GALC: variants seen among roughly 807,000 people sequenced by gnomAD.
The protein encoded by GALC is galactocerebrosidase.
Under a neutral mutation model 91.8 loss-of-function variants are expected in GALC, and 77 were observed. The observed-to-expected ratio is 0.84, with a 90% CI of 0.70 to 1.01. GALC has a LOEUF of 1.01. Ranked by LOEUF, GALC falls within the 50% of genes least tolerant of loss-of-function variation. The pLI, the probability that GALC is intolerant of heterozygous loss-of-function variation, is 0.00. For synonymous variants in GALC, 357 were observed against 306.7 expected (o/e 1.16, Z -1.71); for missense variants, 882 against 855.9 (o/e 1.03, Z -0.38).
At chr14:87,941,641 C>T in intron 14 of GALC, 83 bp from the exon 15 acceptor site, 1 of 953,552 alleles carries the variant, frequency 1.0e-6, no homozygotes, top group Non-Finnish European at 1.7e-6. Context: ...ACAGCACATG[C>T]TTCCAAACTT....
Position 87,976,510 on chromosome 14 carries a change from C to T in GALC, c.622-22G>A, listed in dbSNP as rs771505778. 4 of 1,592,068 alleles carry T rather than the reference C, an allele frequency of 2.5e-6. No individual in the cohort carries two copies. The African/African-American group carries it at 5.4e-5, about 21-fold the overall frequency. Reference sequence around the variant, plus strand: ...ATATCTTTTGGAGTAAGAAACAGAACATATGAAAGGATACAAATGAATTTT... The same window carrying T: ...ATATCTTTTGGAGTAAGAAACAGAATATATGAAAGGATACAAATGAATTTT... On this transcript the variant is annotated intron_variant, in intron 6 of 16. Coordinates refer to ENST00000261304, the MANE Select transcript of GALC (RefSeq NM_000153.4).
chr14:87,954,461 G>A, intron 10 of GALC: 1 of 1,585,850 alleles, frequency 6.3e-7, no homozygotes, highest in Non-Finnish European at 8.6e-7. Context: ...TTATATTTGG[G>A]AATTTAAATA....
At chr14:87,940,428 AT>A (rs1209675018) in intron 15 of GALC, among the ~76,000 whole-genome samples, 4 of 151,926 alleles carry the variant, frequency 2.6e-5, no homozygotes, top group Non-Finnish European at 4.4e-5. Flanking sequence ...AATTAGTGTT[AT>A]TTGAATGCCT....
chr14:87,982,583 T>C (rs1886795219), intron 5 of GALC, among the ~76,000 whole-genome samples: 1 of 152,160 alleles, frequency 6.6e-6, no homozygotes, highest in Non-Finnish European at 1.5e-5. Flanking sequence ...ATTGGAGAAC[T>C]AATAGACAGG....
intron 11 of GALC, 88 bp downstream of exon 11, chr14:87,950,571 T>A: frequency 1.2e-6 from 1 of 815,918 alleles, no homozygotes; most frequent in South Asian, 1.5e-5. Flanking sequence ...GTTCATAATA[T>A]AAGGCTTCAC....
In GALC at chr14:87,986,486, T is replaced by G. The variant is rs763499342; in HGVS notation, c.442+3A>C. ...AAGAAACATTGCAAACTTCATTTCTTACCAATGAGTGTAATATTGGGATTC... is the reference window on the plus strand; with the variant it reads ...AAGAAACATTGCAAACTTCATTTCTGACCAATGAGTGTAATATTGGGATTC... On this transcript the variant is annotated splice_donor_region_variant and intron_variant, in intron 4 of 16. Coordinates refer to ENST00000261304, the MANE Select transcript of GALC (RefSeq NM_000153.4). 1 of 1,537,932 alleles carries G rather than the reference T, an allele frequency of 6.5e-7. No individual in the cohort carries two copies. Among genetic ancestry groups the G allele is most frequent in the Non-Finnish European group, 9.0e-7 (1 of 1,110,760 alleles).
At position 87,993,046 on chromosome 14, in the gene GALC, C is replaced by G. The variant is rs572947747; in HGVS notation, c.119G>C (p.Gly40Ala). The G allele has an allele frequency of 1.0e-5, 16 of 1,557,578 alleles. No homozygotes were observed. In the African/African-American group the frequency reaches 1.8e-4, roughly 17 times the overall value. The change falls in exon 1 of 17, where the codon GGC becomes GCC. Residue 40 changes from glycine to alanine, a missense_variant. Coordinates refer to ENST00000261304, the MANE Select transcript of GALC (RefSeq NM_000153.4). ...PLLLCALLAP[G>A]GAYVLDDSDG... The stretch of plus-strand genomic sequence containing the variant: ...GGAGTCGTCGAGCACGTACGCGCCG[C>G]CGGGCGCCAGCAGCGCACACAGCAG...
intron 3 of GALC, among the ~76,000 whole-genome samples, chr14:87,987,507 A>G (rs1887024724): frequency 6.6e-6 from 1 of 152,234 alleles, no homozygotes; most frequent in Non-Finnish European, 1.5e-5. Flanking sequence ...TCTGTTCAAC[A>G]AAGAGTTACT....
intron 5 of GALC, among the ~76,000 whole-genome samples, chr14:87,982,592 G>A (rs537296980): frequency 3.9e-5 from 6 of 152,236 alleles, no homozygotes; most frequent in Admixed American, 2.6e-4. Flanking sequence ...CTAATAGACA[G>A]GGAAACTGTT....
chr14:87,963,091 A>G (rs569777184), intron 10 of GALC, among the ~76,000 whole-genome samples: 1 of 152,242 alleles, frequency 6.6e-6, no homozygotes, highest in Non-Finnish European at 1.5e-5. Flanking sequence ...AGGGCAAGGG[A>G]AGGTCGTGAA....
At chr14:87,980,622 A>T (rs1385569284) in intron 6 of GALC, 4 of 349,724 alleles carry the variant, frequency 1.1e-5, no homozygotes, top group Non-Finnish European at 1.6e-5. Context: ...AGACTTCCCT[A>T]ATCAACCCAG....
chr14:87,975,278 AAAAG>A (rs1886448144), intron 7 of GALC, among the ~76,000 whole-genome samples: 1 of 152,128 alleles, frequency 6.6e-6, no homozygotes, highest in Admixed American at 6.5e-5. Flanking sequence ...TCAACAAATT[AAAAG>A]AAAGAAAAAG....
rs913311444 is a variant in GALC at position 87,933,862 on chromosome 14, G to T, written c.*870C>A. On this transcript the variant is annotated 3_prime_UTR_variant, in exon 17 of 17. Transcript: ENST00000261304. ...GTGCTCCCCTCCTTCCACACATAAGGAGAGAAAAGCATTCATCAGCTGTGT... is the reference window on the plus strand; with the variant it reads ...GTGCTCCCCTCCTTCCACACATAAGTAGAGAAAAGCATTCATCAGCTGTGT... 1.2e-6 allele frequency: 1 copy of T among 840,538 alleles called. No individual in the cohort carries two copies. Among genetic ancestry groups the T allele is most frequent in the South Asian group, 1.6e-5 (1 of 61,006 alleles). The allele number at this position is 840,538 out of a possible 1,614,324, so 52.1% of individuals were successfully genotyped here.
At chr14:87,970,533 T>C (rs1886242497) in intron 7 of GALC, among the ~76,000 whole-genome samples, 1 of 152,000 alleles carries the variant, frequency 6.6e-6, no homozygotes, top group South Asian at 2.1e-4. Flanking sequence ...GCAGAACTAA[T>C]ACTAAAATCT....
At position 87,965,597 on chromosome 14, in the gene GALC, T is replaced by G; in HGVS notation, c.941A>C (p.Tyr314Ser). 1 of 1,613,434 alleles carries G rather than the reference T, an allele frequency of 6.2e-7. No homozygotes were observed. Among genetic ancestry groups the G allele is most frequent in the Non-Finnish European group, 8.5e-7 (1 of 1,179,592 alleles). Residue 314 changes from tyrosine (Y) to serine (S), a missense_variant, in exon 9 of 17, where the codon TAT (tyrosine) becomes TCT (serine). Physicochemically the swap from Tyr to Ser is moderately radical, Grantham distance 144 (BLOSUM62 -2). Coordinates refer to ENST00000261304, the MANE Select transcript of GALC (RefSeq NM_000153.4). The stretch of plus-strand genomic sequence containing the variant: ...GCATCTCCCATAAGGCAACTGTTCA[T>G]AGTAACTAGCCACTAAATTCCATGC... ...TIAWNLVASY[Y>S]EQLPYGRCGL... is the part of the protein sequence containing the mutation.
At chr14:87,953,673 A>G in intron 10 of GALC, 1 of 1,608,908 alleles carries the variant, frequency 6.2e-7, no homozygotes, top group South Asian at 1.1e-5. Context: ...CTCTATCTAG[A>G]GTCCTTCAAG....
At chr14:87,985,053 T>C (rs1157581636) in intron 4 of GALC, among the ~76,000 whole-genome samples, 1 of 152,190 alleles carries the variant, frequency 6.6e-6, no homozygotes, top group Non-Finnish European at 1.5e-5. Context: ...ACTAGTTTGT[T>C]CTTATATCAC....
At chr14:87,951,482 A>G (rs568494543) in intron 10 of GALC, among the ~76,000 whole-genome samples, 1 of 152,052 alleles carries the variant, frequency 6.6e-6, no homozygotes, top group East Asian at 1.9e-4. Flanking sequence ...TTTGAACAAC[A>G]CTACCAAACA....
intron 1 of GALC, among the ~76,000 whole-genome samples, chr14:87,990,118 CT>C (rs1314955450): frequency 6.6e-6 from 1 of 152,194 alleles, no homozygotes; most frequent in Non-Finnish European, 1.5e-5. Flanking sequence ...AGGTCCATAT[CT>C]TTATTACAAC....
Sources: gnomAD v4.1 joint callset for allele counts (sites outside exome capture counted in the v4.1 genomes callset) on GRCh38, gnomAD v4.1.1 for gene constraint, MANE v1.5 for transcripts, NCBI Gene and HGNC (gene_info 2026-07-23, HGNC 2026-07-21) for gene names.